Variants in LGR4 observed in about 807,000 individuals in gnomAD.
The protein encoded by LGR4 is leucine-rich repeat-containing G protein-coupled receptor 4.
Under a neutral mutation model 84.8 loss-of-function variants are expected in LGR4, and 44 were observed. The ratio of observed to expected loss-of-function variants is 0.52; its 90% CI spans 0.41 to 0.67. The LOEUF is 0.67. Ranked by LOEUF, LGR4 falls within the 30% of genes least tolerant of loss-of-function variation. The pLI is 0.00. For missense variants in LGR4, 1,032 were observed against 1,131.4 expected (o/e 0.91, Z 1.26); for synonymous variants, 429 against 434.3 (o/e 0.99, Z 0.15).
chr11:27,467,693 T>C (rs1329416253), intron 1 of LGR4, among the ~76,000 whole-genome samples: 1 of 152,170 alleles, frequency 6.6e-6, no homozygotes, highest in Non-Finnish European at 1.5e-5. Flanking sequence ...GTTAAGAATA[T>C]GACTCATTCA....
chr11:27,399,030 C>T (rs1863445571), intron 2 of LGR4, among the ~76,000 whole-genome samples: 2 of 152,248 alleles, frequency 1.3e-5, no homozygotes, highest in South Asian at 4.2e-4. Flanking sequence ...CCTGCCTCAG[C>T]CTCCCAAGTA....
intron 1 of LGR4, among the ~76,000 whole-genome samples, chr11:27,438,423 G>A (rs1036141290): frequency 3.3e-5 from 5 of 152,176 alleles, no homozygotes; most frequent in African/African-American, 1.2e-4. Context: ...GGCAGAAGCT[G>A]GGAGGTTACT....
Position 27,368,012 on chromosome 11 carries a change from G to T in LGR4, c.2711C>A (p.Ala904Asp), listed in dbSNP as rs964878789. The change falls in exon 18 of 18, where the codon GCC becomes GAC. Residue 904 changes from alanine (A) to aspartate (D), a missense_variant. Physicochemically the swap from Ala to Asp is moderately radical, Grantham distance 126. Coordinates refer to ENST00000379214, the MANE Select transcript of LGR4 (RefSeq NM_018490.5). ...TTCTTCATCTGCATAATCAGAGTGG[G>T]CCGACTGTGTGCCACAGTCGGACCA... ...GYWSDCGTQS[A>D]HSDYADEEDS... 5.6e-6 allele frequency: 9 copies of T among 1,613,634 alleles called. No individual in the cohort carries two copies. The African/African-American group carries it at 1.2e-4, about 22-fold the overall frequency.
At chr11:27,467,200 G>A (rs1864791291) in intron 1 of LGR4, among the ~76,000 whole-genome samples, 1 of 152,108 alleles carries the variant, frequency 6.6e-6, no homozygotes, top group South Asian at 2.1e-4. Flanking sequence ...AGTCTCCTGG[G>A]TTGGTGAGAG....
chr11:27,461,491 T>C (rs1191325300), intron 1 of LGR4, among the ~76,000 whole-genome samples: 1 of 152,204 alleles, frequency 6.6e-6, no homozygotes, highest in African/African-American at 2.4e-5. Flanking sequence ...AAATTGTCCA[T>C]GATAAGTAAA....
intron 1 of LGR4, among the ~76,000 whole-genome samples, chr11:27,416,429 T>C (rs947882814): frequency 2.0e-5 from 3 of 152,200 alleles, no homozygotes; most frequent in African/African-American, 7.2e-5. Flanking sequence ...TCATGTATAA[T>C]AAGTTCAACA....
At chr11:27,394,304 CT>C (rs1863345220) in intron 2 of LGR4, among the ~76,000 whole-genome samples, 2 of 152,170 alleles carry the variant, frequency 1.3e-5, no homozygotes, top group Admixed American at 1.3e-4. Context: ...GTTTTAAGGC[CT>C]CTTCAGTTGC....
intron 1 of LGR4, among the ~76,000 whole-genome samples, chr11:27,413,223 G>A (rs1590373671): frequency 2.6e-5 from 4 of 152,026 alleles, no homozygotes; most frequent in South Asian, 4.1e-4. Context: ...CCCTAGGAAC[G>A]ATATGTAGAA....
rs59053737 is a variant in LGR4 at position 27,468,311 on chromosome 11, T to A, written c.185+3807A>T. Among the ~76,000 whole-genome samples the A allele has an allele frequency of 1.4e-3, 208 of 152,324 alleles. 2 individuals carry two copies. The East Asian group carries it at 0.037, about 27-fold the overall frequency. ...AGTGAGGATGTTGAGTAACTTTTTG[T>A]ACAGTATCCAAATTACTGAAACAGA... On this transcript the variant is annotated intron_variant, in intron 1 of 17. Transcript: ENST00000379214.
chr11:27,447,592 C>T (rs1364477280), intron 1 of LGR4, among the ~76,000 whole-genome samples: 1 of 152,168 alleles, frequency 6.6e-6, no homozygotes, highest in Non-Finnish European at 1.5e-5. Context: ...AAATAGCTAA[C>T]CAGCAACCCT....
rs1253312916 is a variant in LGR4 at position 27,395,325 on chromosome 11, C to T, written c.258-2807G>A. 2.0e-5 allele frequency among the ~76,000 whole-genome samples: 3 copies of T among 151,806 alleles called. No homozygotes were observed. In the East Asian group the frequency reaches 5.8e-4, roughly 29 times the overall value. On this transcript the variant is annotated intron_variant, in intron 2 of 17. Transcript: ENST00000379214. ...AATGTCCTTGTATCTATGGGCTTTC[C>T]TTGAGTTCAGCCTATTGTGCTGGGC...
At chr11:27,405,503 G>T (rs1271644027) in intron 2 of LGR4, among the ~76,000 whole-genome samples, 1 of 151,876 alleles carries the variant, frequency 6.6e-6, no homozygotes, top group African/African-American at 2.4e-5. Context: ...TATGCCCTTC[G>T]ATCTCTATCC....
intron 1 of LGR4, among the ~76,000 whole-genome samples, chr11:27,471,168 T>G (rs567502953): frequency 5.8e-4 from 89 of 152,152 alleles, no homozygotes; most frequent in Non-Finnish European, 1.1e-3. Context: ...CTAGTTCAGA[T>G]TCCTCTTCTT....
intron 1 of LGR4, among the ~76,000 whole-genome samples, chr11:27,413,822 A>G (rs914501699): frequency 4.6e-5 from 7 of 152,132 alleles, no homozygotes; most frequent in Non-Finnish European, 1.0e-4. Flanking sequence ...AGCTTACAAC[A>G]ATAATACTGT....
At chr11:27,373,761 T>G in intron 14 of LGR4, 85 bp from the exon 15 acceptor site, 1 of 1,299,334 alleles carries the variant, frequency 7.7e-7, no homozygotes, top group African/African-American at 1.5e-5. Context: ...TCATAAATAT[T>G]AGATCCCTAA....
intron 1 of LGR4, among the ~76,000 whole-genome samples, chr11:27,435,753 G>A (rs1864195972): frequency 6.6e-6 from 1 of 151,840 alleles, no homozygotes; most frequent in Non-Finnish European, 1.5e-5. Context: ...CTCCCAAAGT[G>A]CTGTGATTAC....
intron 2 of LGR4, among the ~76,000 whole-genome samples, chr11:27,393,826 T>G (rs1262116343): frequency 1.3e-5 from 2 of 151,744 alleles, no homozygotes; most frequent in Non-Finnish European, 2.9e-5. Context: ...AGCTCTACTT[T>G]TAGATGCATT....
chr11:27,425,955 C>T (rs571708415), intron 1 of LGR4, among the ~76,000 whole-genome samples: 7 of 152,298 alleles, frequency 4.6e-5, no homozygotes, highest in Admixed American at 1.3e-4. Context: ...GTTTTGCTCA[C>T]TATTATATGC....
At chr11:27,458,782 G>A (rs1338851229) in intron 1 of LGR4, among the ~76,000 whole-genome samples, 1 of 151,940 alleles carries the variant, frequency 6.6e-6, no homozygotes, top group Non-Finnish European at 1.5e-5. Flanking sequence ...CAGGTGATCC[G>A]CCCACCTTGG....
Sources: gnomAD v4.1 joint callset for allele counts (sites outside exome capture counted in the v4.1 genomes callset) on GRCh38, gnomAD v4.1.1 for gene constraint, MANE v1.5 for transcripts, NCBI Gene and HGNC (gene_info 2026-07-23, HGNC 2026-07-21) for gene names.